The following STIM1 variants were observed in gnomAD, a reference collection of about 807,000 sequenced individuals.
STIM1 encodes the protein stromal interaction molecule 1.
A neutral mutation model predicts 74.7 loss-of-function variants in STIM1; 25 were observed. That is an observed-to-expected ratio of 0.33 (90% CI 0.24 to 0.47). The LOEUF is 0.47. Ranked by LOEUF, STIM1 falls within the 20% of genes least tolerant of loss-of-function variation. The pLI, the probability that STIM1 is intolerant of heterozygous loss-of-function variation, is 1.00. For missense variants in STIM1, 728 were observed against 920.8 expected (o/e 0.79, Z 2.71); for synonymous variants, 328 against 348.8 (o/e 0.94, Z 0.66).
chr11:3,991,819 G>A (rs961566339), intron 2 of STIM1, among the ~76,000 whole-genome samples: 1 of 151,324 alleles, frequency 6.6e-6, no homozygotes. Flanking sequence ...TCATGGTGGC[G>A]CATGCCTGTA....
rs756277132 is a variant in STIM1 at position 4,086,517 on chromosome 11, G to A, written c.1608G>A (p.Glu536=). 5.6e-6 allele frequency: 9 copies of A among 1,614,190 alleles called. No homozygotes were observed. In the East Asian group the frequency reaches 1.6e-4, roughly 28 times the overall value. ...GCAGTGTTCGGCAGCGCCTGACGGA[G>A]CCACAGCATGGCCTGGGATCTCAGA... is the stretch of plus-strand genomic sequence containing the variant. The part of the protein sequence containing the change: ...LQSSVRQRLT[E]PQHGLGSQRD... Residue 536 remains glutamate, a synonymous_variant, in exon 12 of 13, where the codon GAG becomes GAA. Coordinates refer to ENST00000526596, the MANE Select transcript of STIM1 (RefSeq NM_001382567.1).
chr11:4,051,690 A>G (rs953428835), intron 3 of STIM1, among the ~76,000 whole-genome samples: 1 of 152,032 alleles, frequency 6.6e-6, no homozygotes, highest in African/African-American at 2.4e-5. Context: ...TCCGTCACTC[A>G]GGCTAGAGTG....
At chr11:3,917,217 A>C (rs1375711083) in intron 1 of STIM1, among the ~76,000 whole-genome samples, 3 of 152,262 alleles carry the variant, frequency 2.0e-5, no homozygotes, top group East Asian at 1.9e-4. Flanking sequence ...GGTGAGGGGA[A>C]CAATGTAGTC....
chr11:4,009,117 G>A (rs7114777), intron 2 of STIM1, among the ~76,000 whole-genome samples: 1 of 150,400 alleles, frequency 6.6e-6, no homozygotes. Flanking sequence ...CAGTGAAACC[G>A]CGTCTCTACT....
At chr11:3,867,783 A>T (rs1389769408) in intron 1 of STIM1, among the ~76,000 whole-genome samples, 2 of 152,166 alleles carry the variant, frequency 1.3e-5, no homozygotes, top group Non-Finnish European at 2.9e-5. Flanking sequence ...GGCCATATAC[A>T]CAGAGCCCCT....
intron 10 of STIM1, among the ~76,000 whole-genome samples, chr11:4,084,018 C>G (rs931255964): frequency 6.6e-6 from 1 of 152,176 alleles, no homozygotes; most frequent in Non-Finnish European, 1.5e-5. Context: ...GGAGGGATCT[C>G]CTGCACAAGC....
rs2091905203 is a variant in STIM1 at position 3,891,856 on chromosome 11, G to A, written c.139+35447G>A. On this transcript the variant is annotated intron_variant, in intron 1 of 12. Coordinates refer to ENST00000526596, the MANE Select transcript of STIM1 (RefSeq NM_001382567.1). ...GGAGGGCCAGAGAGTGAATATTTTA[G>A]GCTTGATGGGCTATACCGCAAGTTG... 2.0e-5 allele frequency among the ~76,000 whole-genome samples: 3 copies of A among 152,314 alleles called. No homozygotes were observed. The South Asian group carries it at 6.2e-4, about 32-fold the overall frequency.
At chr11:3,949,033 A>G (rs1252066021) in intron 1 of STIM1, among the ~76,000 whole-genome samples, 1 of 152,192 alleles carries the variant, frequency 6.6e-6, no homozygotes, top group Admixed American at 6.5e-5. Context: ...TCACAACCCT[A>G]TGAGGTGGAT....
rs1423630543 is a variant in STIM1, at chr11:3,886,768, C to T, written c.139+30359C>T. On this transcript the variant is annotated intron_variant, in intron 1 of 12. Transcript: ENST00000526596. The stretch of plus-strand genomic sequence containing the variant: ...CCTGTAATTCCAGCACTTTGGGAGG[C>T]CGAGGCGGGCGGATTACGAGGTCAG... 2.7e-5 allele frequency among the ~76,000 whole-genome samples: 4 copies of T among 149,922 alleles called. 1 individual carries two copies. Among genetic ancestry groups the T allele is most frequent in the South Asian group, 4.2e-4 (2 of 4,746 alleles).
intron 5 of STIM1, among the ~76,000 whole-genome samples, chr11:4,068,855 G>A (rs951153041): frequency 1.3e-5 from 2 of 152,078 alleles, no homozygotes; most frequent in African/African-American, 4.8e-5. Context: ...TCTTTTTCTG[G>A]TGTCTTGACC....
chr11:4,005,417 C>G (rs571629267), intron 2 of STIM1, among the ~76,000 whole-genome samples: 5 of 152,140 alleles, frequency 3.3e-5, no homozygotes, highest in Non-Finnish European at 7.4e-5. Context: ...AAGATGAGTT[C>G]ATCTCCTTTG....
intron 1 of STIM1, among the ~76,000 whole-genome samples, chr11:3,886,760 T>G (rs1299227488): frequency 1.3e-5 from 2 of 150,300 alleles, no homozygotes; most frequent in African/African-American, 2.5e-5. Flanking sequence ...TTCCAGCACT[T>G]TGGGAGGCCG....
intron 3 of STIM1, among the ~76,000 whole-genome samples, chr11:4,027,307 T>G (rs531345072): frequency 1.3e-5 from 2 of 152,208 alleles, no homozygotes; most frequent in East Asian, 3.9e-4. Flanking sequence ...CGCCTTTTCT[T>G]TTTTTTCTTT....
chr11:3,856,977 A>G (rs1205958236), intron 1 of STIM1, among the ~76,000 whole-genome samples: 1 of 151,250 alleles, frequency 6.6e-6, no homozygotes, highest in Non-Finnish European at 1.5e-5. Flanking sequence ...ATGGAATCCT[A>G]TTTACAACTA....
At chr11:3,986,702 A>T (rs2093560937) in intron 2 of STIM1, among the ~76,000 whole-genome samples, 1 of 152,198 alleles carries the variant, frequency 6.6e-6, no homozygotes, top group Admixed American at 6.5e-5. Context: ...GAGGCAAAAA[A>T]TATGGCAACT....
At chr11:4,027,288 TA>T (rs1259528235) in intron 3 of STIM1, among the ~76,000 whole-genome samples, 2 of 152,116 alleles carry the variant, frequency 1.3e-5, no homozygotes, top group Non-Finnish European at 2.9e-5. Flanking sequence ...CAGCAGAGAC[TA>T]GGGGATTCGC....
intron 12 of STIM1, 92 bp from the exon 13 acceptor site, chr11:4,091,190 C>T (rs534050741): frequency 2.6e-4 from 404 of 1,576,476 alleles, no homozygotes; most frequent in Non-Finnish European, 3.2e-4. Context: ...CTGTCCTTGT[C>T]TTCTCGTGTT....
At chr11:4,045,762 C>CTTTTTT (rs35939527) in intron 3 of STIM1, among the ~76,000 whole-genome samples, 9 of 104,510 alleles carry the variant, frequency 8.6e-5, no homozygotes, top group Non-Finnish European at 1.5e-4. Flanking sequence ...CTCAACACTT[C>CTTTTTT]TTTTTTTTTT....
At chr11:3,912,414 T>G (rs1042162593) in intron 1 of STIM1, among the ~76,000 whole-genome samples, 1 of 151,464 alleles carries the variant, frequency 6.6e-6, no homozygotes, top group Non-Finnish European at 1.5e-5. Flanking sequence ...GCCCAGGCTG[T>G]AGTGCAATGG....
Sources: allele counts gnomAD v4.1 joint callset (sites outside exome capture counted in the v4.1 genomes callset), GRCh38; gene constraint gnomAD v4.1.1; transcripts MANE v1.5; gene names NCBI Gene and HGNC (gene_info 2026-07-23, HGNC 2026-07-21).